The following ADGRL2 variants were observed in gnomAD, a reference collection of about 807,000 sequenced individuals.
ADGRL2 encodes adhesion G protein-coupled receptor L2.
A neutral mutation model predicts 157.4 loss-of-function variants in ADGRL2; 44 were observed. The ratio of observed to expected loss-of-function variants is 0.28; its 90% CI spans 0.22 to 0.36. The LOEUF (loss-of-function observed/expected upper bound fraction) is 0.36. Ranked by LOEUF, ADGRL2 falls within the 10% of genes least tolerant of loss-of-function variation. ADGRL2 has a pLI of 1.00. For missense variants in ADGRL2, 1,510 were observed against 1,768.9 expected, an observed-to-expected ratio of 0.85 and a Z score of 2.63; for synonymous variants, 585 against 624.7, an observed-to-expected ratio of 0.94 and a Z score of 0.95.
chr1:81,970,670 C>T, intron 16 of ADGRL2, 136 bp downstream of exon 16: 2 of 567,068 alleles, frequency 3.5e-6, no homozygotes, highest in Non-Finnish European at 6.0e-6. Context: ...ATACCGTGCA[C>T]AAATTACAAT....
intron 3 of ADGRL2, among the ~76,000 whole-genome samples, chr1:81,657,743 C>A (rs1476428385): frequency 6.6e-6 from 1 of 152,118 alleles, no homozygotes; most frequent in Non-Finnish European, 1.5e-5. Context: ...GTGTACCTTT[C>A]TTTGGTAAGT....
intron 3 of ADGRL2, among the ~76,000 whole-genome samples, chr1:81,589,902 G>A (rs1024358251): frequency 2.0e-5 from 3 of 152,138 alleles, no homozygotes; most frequent in Non-Finnish European, 4.4e-5. Flanking sequence ...CATTAAATGA[G>A]TGTGTAAACC....
At chr1:81,380,532 A>T (rs1453566598) in intron 1 of ADGRL2, among the ~76,000 whole-genome samples, 1 of 152,036 alleles carries the variant, frequency 6.6e-6, no homozygotes, top group Non-Finnish European at 1.5e-5. Flanking sequence ...ATCCATCTGG[A>T]ACTTATTTTG....
At chr1:81,878,563 T>C (rs2151160026) in intron 2 of ADGRL2, among the ~76,000 whole-genome samples, 1 of 152,286 alleles carries the variant, frequency 6.6e-6, no homozygotes, top group African/African-American at 2.4e-5. Flanking sequence ...CATTTATTCA[T>C]TACTTTGCCC....
intron 13 of ADGRL2, among the ~76,000 whole-genome samples, chr1:81,967,387 G>A (rs2094321): frequency 0.22 from 33,787 of 151,370 alleles, 4,584 homozygotes; most frequent in Middle Eastern, 0.34. Context: ...TCAGCCTCCC[G>A]AGTAGCTGGG....
intron 3 of ADGRL2, among the ~76,000 whole-genome samples, chr1:81,690,321 C>T (rs2083307155): frequency 6.6e-6 from 1 of 152,080 alleles, no homozygotes; most frequent in Non-Finnish European, 1.5e-5. Context: ...GGCGAAACCC[C>T]ATCTCTACTA....
intron 2 of ADGRL2, among the ~76,000 whole-genome samples, chr1:81,848,490 T>A (rs564683918): frequency 6.6e-6 from 1 of 151,994 alleles, no homozygotes; most frequent in East Asian, 1.9e-4. Flanking sequence ...TAGCTTCAGA[T>A]CATTAGTATA....
chr1:81,436,761 T>C (rs758583062), intron 1 of ADGRL2, among the ~76,000 whole-genome samples: 7 of 152,254 alleles, frequency 4.6e-5, no homozygotes, highest in Admixed American at 6.5e-5. Flanking sequence ...ACCTCACTTA[T>C]GTGAAAAGGA....
chr1:81,891,777 T>C (rs750561688), intron 2 of ADGRL2, among the ~76,000 whole-genome samples: 8 of 152,132 alleles, frequency 5.3e-5, no homozygotes, highest in Non-Finnish European at 1.0e-4. Context: ...TCGATTTATC[T>C]GTCTTTTGGT....
At chr1:81,812,468 A>G (rs896914321) in intron 1 of ADGRL2, among the ~76,000 whole-genome samples, 2 of 151,664 alleles carry the variant, frequency 1.3e-5, no homozygotes, top group Admixed American at 6.6e-5. Flanking sequence ...AATGTGCCTT[A>G]TTATATTTTT....
chr1:81,888,275 G>A (rs928804371), intron 2 of ADGRL2, among the ~76,000 whole-genome samples: 4 of 151,984 alleles, frequency 2.6e-5, no homozygotes, highest in East Asian at 3.9e-4. Flanking sequence ...TACAACATAC[G>A]AATTGAGTTT....
At chr1:81,570,587 C>T (rs1422489338) in intron 2 of ADGRL2, among the ~76,000 whole-genome samples, 1 of 152,114 alleles carries the variant, frequency 6.6e-6, no homozygotes, top group Non-Finnish European at 1.5e-5. Flanking sequence ...CGGGGTTTCG[C>T]TATGTTGGCC....
intron 3 of ADGRL2, among the ~76,000 whole-genome samples, chr1:81,644,069 C>G (rs1009814312): frequency 1.3e-5 from 2 of 152,094 alleles, no homozygotes; most frequent in Admixed American, 6.5e-5. Flanking sequence ...CAGAAATAGA[C>G]CCACAGAAAT....
intron 1 of ADGRL2, among the ~76,000 whole-genome samples, chr1:81,391,770 C>T (rs997979213): frequency 6.6e-6 from 1 of 152,250 alleles, no homozygotes; most frequent in East Asian, 1.9e-4. Context: ...TCAAGAGACA[C>T]CATTCTGGCT....
At position 81,321,784 on chromosome 1, in the gene ADGRL2, G is replaced by C. The variant is rs75086572; in HGVS notation, c.-302+15275G>C. ...AAAATGAAAAAGCGTGAAATATTGT[G>C]AGAATTACCAAAATGTGACACAAAG... On this transcript the variant is annotated intron_variant, in intron 1 of 24. Coordinates refer to the ADGRL2 transcript ENST00000370721. Among the ~76,000 whole-genome samples the C allele has an allele frequency of 2.8e-3, 418 of 151,174 alleles. 5 individuals are homozygous for C. In the South Asian group the frequency reaches 0.052, roughly 19 times the overall value.
At chr1:81,423,331 T>A (rs894582772) in intron 1 of ADGRL2, among the ~76,000 whole-genome samples, 2 of 152,164 alleles carry the variant, frequency 1.3e-5, no homozygotes, top group African/African-American at 4.8e-5. Flanking sequence ...TTAGGGGCAT[T>A]AGAGGGTGAA....
chr1:81,474,746 TA>T (rs2078238182), intron 2 of ADGRL2, among the ~76,000 whole-genome samples: 1 of 152,246 alleles, frequency 6.6e-6, no homozygotes, highest in African/African-American at 2.4e-5. Context: ...GCTTTAGAGT[TA>T]TTGAACATTT....
Position 81,619,194 on chromosome 1 carries a change from G to T in ADGRL2, c.-143+38214G>T, listed in dbSNP as rs532811373. On this transcript the variant is annotated intron_variant, in intron 3 of 24. Transcript: ENST00000370721. ...ATGTACCAGCTGAGATCAGCACCTT[G>T]ATATACATGCAGAGACTGAGAAAGG... Among the ~76,000 whole-genome samples the T allele has an allele frequency of 3.3e-5, 5 of 151,950 alleles. No homozygotes were observed. In the South Asian group the frequency reaches 1.0e-3, roughly 32 times the overall value.
intron 2 of ADGRL2, among the ~76,000 whole-genome samples, chr1:81,499,572 G>A (rs1460719283): frequency 2.0e-5 from 3 of 152,196 alleles, no homozygotes; most frequent in African/African-American, 4.8e-5. Context: ...CATCATTTGA[G>A]CCTAGAATCT....
Sources: allele counts gnomAD v4.1 joint callset (sites outside exome capture counted in the v4.1 genomes callset), GRCh38; gene constraint gnomAD v4.1.1; transcripts MANE v1.5; gene names NCBI Gene and HGNC (gene_info 2026-07-23, HGNC 2026-07-21).